Variants in MYT1L observed in about 807,000 individuals in gnomAD.
MYT1L encodes myelin transcription factor 1 like.
In MYT1L, 12 loss-of-function variants were observed where a neutral mutation model predicts 126.7. The observed-to-expected ratio is 0.09, with a 90% CI of 0.06 to 0.15. The LOEUF (loss-of-function observed/expected upper bound fraction) is 0.15. Among genes scored for constraint, MYT1L ranks in the 10% least tolerant of loss-of-function variants. The probability of loss-of-function intolerance (pLI) is 1.00; values close to 1 mark genes in which losing one functional copy is unlikely to be tolerated. For synonymous variants in MYT1L, 541 were observed against 604.2 expected (o/e 0.90, Z 1.53); for missense variants, 979 against 1,585.2 (o/e 0.62, Z 6.49).
chr2:1,829,710 CTCCCATACACCTGTGAATTGACCT>C (rs1339256614), intron 21 of MYT1L, among the ~76,000 whole-genome samples: 32 of 108,852 alleles, frequency 2.9e-4, no homozygotes, highest in East Asian at 6.8e-4. Context: ...TGAATTGACC[CTCCCATACACCTGTGAATTGACCT>C]TCCCATACAC....
At chr2:2,101,986 G>A (rs1168600759) in intron 3 of MYT1L, among the ~76,000 whole-genome samples, 8 of 152,184 alleles carry the variant, frequency 5.3e-5, no homozygotes, top group South Asian at 2.1e-4. Flanking sequence ...TCTGATTGCC[G>A]AACAAATTAA....
At chr2:2,128,724 TAAAG>T (rs2082011229) in intron 3 of MYT1L, among the ~76,000 whole-genome samples, 1 of 152,156 alleles carries the variant, frequency 6.6e-6, no homozygotes, top group Non-Finnish European at 1.5e-5. Flanking sequence ...CCATTTCAAA[TAAAG>T]AGTGTACATA....
chr2:2,197,440 G>A (rs374387599), intron 2 of MYT1L, among the ~76,000 whole-genome samples: 99 of 152,168 alleles, frequency 6.5e-4, no homozygotes, highest in South Asian at 2.3e-3. Flanking sequence ...ACAGATGAGC[G>A]CATAAAAACA....
chr2:1,958,411 C>T (rs1015211077), intron 8 of MYT1L, among the ~76,000 whole-genome samples: 15 of 151,756 alleles, frequency 9.9e-5, no homozygotes, highest in East Asian at 1.9e-4. Context: ...ACCCAGGGAG[C>T]GGGAGGACGA....
intron 3 of MYT1L, among the ~76,000 whole-genome samples, chr2:2,102,765 A>G (rs1010906137): frequency 1.3e-5 from 2 of 151,920 alleles, no homozygotes; most frequent in African/African-American, 4.8e-5. Context: ...TGGAGCCTGG[A>G]TTTCCTGCAT....
intron 18 of MYT1L, among the ~76,000 whole-genome samples, chr2:1,867,857 AAAG>A (rs2045793735): frequency 6.6e-6 from 1 of 152,194 alleles, no homozygotes; most frequent in Non-Finnish European, 1.5e-5. Flanking sequence ...GTTCCAAATA[AAAG>A]AACATCTTAT....
chr2:2,216,800 AGAG>A (rs1322689707), intron 2 of MYT1L, among the ~76,000 whole-genome samples: 6 of 152,122 alleles, frequency 3.9e-5, no homozygotes, highest in African/African-American at 1.4e-4. Flanking sequence ...AGAGAGAGAG[AGAG>A]AGAGAACACA....
chr2:2,310,358 T>C (rs541570224), intron 1 of MYT1L, among the ~76,000 whole-genome samples: 2 of 152,250 alleles, frequency 1.3e-5, no homozygotes, highest in African/African-American at 4.8e-5. Flanking sequence ...CCACTTACAC[T>C]TCAGTATACT....
In MYT1L at chr2:1,889,196, T is replaced by C. The variant is rs1336807307; in HGVS notation, c.2520+45A>G. ...GGCTTTTCTTTCAGCTGGGGCCCCA[T>C]TTTTAAGTCTGGCAGTCAACACAGG... is the stretch of plus-strand genomic sequence containing the variant. On this transcript the variant is annotated intron_variant, in intron 16 of 24. Transcript: ENST00000647738. The surrounding 1 kb of genome is among the most constrained non-coding windows in gnomAD (Gnocchi z 4.1). The C allele has an allele frequency of 1.3e-6, 2 of 1,535,080 alleles. No homozygotes were observed. Among genetic ancestry groups the C allele is most frequent in the South Asian group, 2.3e-5 (2 of 85,420 alleles).
At chr2:1,996,338 G>T (rs532081587) in intron 5 of MYT1L, among the ~76,000 whole-genome samples, 1 of 152,118 alleles carries the variant, frequency 6.6e-6, no homozygotes, top group South Asian at 2.1e-4. Flanking sequence ...CCTCAGTGTG[G>T]GCTGTACAGA....
At chr2:2,273,866 T>C (rs2095311644) in intron 2 of MYT1L, among the ~76,000 whole-genome samples, 1 of 152,220 alleles carries the variant, frequency 6.6e-6, no homozygotes, top group Non-Finnish European at 1.5e-5. Flanking sequence ...AAAAAATTAT[T>C]GTGGGTGAAA....
At chr2:2,082,515 C>T (rs2075946637) in intron 3 of MYT1L, among the ~76,000 whole-genome samples, 1 of 152,046 alleles carries the variant, frequency 6.6e-6, no homozygotes, top group Admixed American at 6.6e-5. Context: ...CATTCCATGG[C>T]CATTAGTTGA....
At chr2:2,031,852 C>T (rs570677968) in intron 4 of MYT1L, among the ~76,000 whole-genome samples, 3 of 128,988 alleles carry the variant, frequency 2.3e-5, no homozygotes, top group Admixed American at 7.8e-5. Flanking sequence ...CTCGCCAGTG[C>T]CTCTCATCCT....
At chr2:1,855,754 T>G (rs978676907) in intron 18 of MYT1L, among the ~76,000 whole-genome samples, 21 of 152,098 alleles carry the variant, frequency 1.4e-4, no homozygotes, top group Non-Finnish European at 2.2e-4. Context: ...CAAATAATCT[T>G]GAAACCCACA....
chr2:1,837,887 C>G (rs1441600535), intron 21 of MYT1L, among the ~76,000 whole-genome samples: 2 of 117,400 alleles, frequency 1.7e-5, no homozygotes, highest in Non-Finnish European at 3.3e-5. Context: ...ATTTCTCTCT[C>G]TCTTTTTTTT....
At chr2:2,226,213 C>T (rs938398595) in intron 2 of MYT1L, among the ~76,000 whole-genome samples, 3 of 152,286 alleles carry the variant, frequency 2.0e-5, no homozygotes, top group Non-Finnish European at 4.4e-5. Context: ...CCTAGTTGTG[C>T]GGCCTGCCAG....
chr2:2,125,537 A>T (rs1188734593), intron 3 of MYT1L, among the ~76,000 whole-genome samples: 1 of 152,210 alleles, frequency 6.6e-6, no homozygotes, highest in Non-Finnish European at 1.5e-5. Flanking sequence ...CAACCTTAAT[A>T]AATATTTGTT....
Position 2,001,442 on chromosome 2 carries a change from G to A in MYT1L, c.-157-4095C>T, listed in dbSNP as rs780013052. On this transcript the variant is annotated intron_variant, in intron 4 of 24. Coordinates refer to ENST00000647738, the MANE Select transcript of MYT1L (RefSeq NM_001303052.2). The stretch of plus-strand genomic sequence containing the variant: ...TTTACAAAAGGATAGAGATCATGTC[G>A]CACCACTGTGTGGTTAATATCTCAC... Among the ~76,000 whole-genome samples, 3 of 151,970 alleles carry A rather than the reference G, an allele frequency of 2.0e-5. No homozygotes were observed. The South Asian group carries it at 6.2e-4, about 32-fold the overall frequency.
At chr2:1,918,162 G>A (rs371659765) in intron 10 of MYT1L, among the ~76,000 whole-genome samples, 1 of 151,698 alleles carries the variant, frequency 6.6e-6, no homozygotes, top group Non-Finnish European at 1.5e-5. Flanking sequence ...GCAGAGCTTC[G>A]GTTAAAAAAA....
Sources: allele counts gnomAD v4.1 joint callset (sites outside exome capture counted in the v4.1 genomes callset), GRCh38; gene constraint gnomAD v4.1.1; non-coding constraint Gnocchi (gnomAD v3.1); transcripts MANE v1.5; gene names NCBI Gene and HGNC (gene_info 2026-07-23, HGNC 2026-07-21).